TMTC2: variants seen among roughly 807,000 people sequenced by gnomAD.
TMTC2 encodes transmembrane O-mannosyltransferase targeting cadherins 2.
A neutral mutation model predicts 82.4 loss-of-function variants in TMTC2; 43 were observed. That is an observed-to-expected ratio of 0.52 (90% CI 0.41 to 0.67). The LOEUF (loss-of-function observed/expected upper bound fraction) is 0.67, where lower values mean the gene tolerates loss of function less well. Ranked by LOEUF, TMTC2 falls within the 30% of genes least tolerant of loss-of-function variation. The pLI is 0.00. For missense variants in TMTC2, 919 were observed against 1,012.4 expected (o/e 0.91, Z 1.25); for synonymous variants, 408 against 381.9 (o/e 1.07, Z -0.80).
rs1194529610 is a variant in TMTC2 at position 82,901,283 on chromosome 12, A to AAT, written c.1483+4654_1483+4655dup. 8.0e-3 allele frequency among the ~76,000 whole-genome samples: 1,028 copies of AAT among 128,236 alleles called. 61 individuals carry two copies. Among genetic ancestry groups the AAT allele is most frequent in the African/African-American group, 0.03 (905 of 30,544 alleles). 84.1% of individuals were successfully genotyped at this position (128,236 alleles called of 152,430 possible). ...TCTGGAATATATATATAGAGAGAGT[A>AAT]ATATATATATATATATATTTTTTTT... On this transcript the variant is annotated intron_variant, in intron 3 of 11. Transcript: ENST00000321196.
chr12:82,975,773 T>C (rs923770826), intron 7 of TMTC2, among the ~76,000 whole-genome samples: 5 of 152,106 alleles, frequency 3.3e-5, no homozygotes, highest in African/African-American at 1.2e-4. Context: ...GAGTGCTTTT[T>C]CTTTTATCGT....
chr12:82,950,182 A>C (rs1199521843), intron 4 of TMTC2, among the ~76,000 whole-genome samples: 1 of 152,190 alleles, frequency 6.6e-6, no homozygotes, highest in African/African-American at 2.4e-5. Flanking sequence ...ATTATCATGG[A>C]CAAATTATTT....
chr12:82,703,402 GA>G (rs1873176242), intron 1 of TMTC2, among the ~76,000 whole-genome samples: 2 of 151,840 alleles, frequency 1.3e-5, no homozygotes, highest in South Asian at 4.2e-4. Context: ...TTCCTTTTAT[GA>G]TATAGAGGAG....
intron 2 of TMTC2, among the ~76,000 whole-genome samples, chr12:82,883,890 T>G (rs2137159865): frequency 6.6e-6 from 1 of 152,326 alleles, no homozygotes; most frequent in Non-Finnish European, 1.5e-5. Flanking sequence ...TTAAAACTTT[T>G]TTTGTTGTTG....
At chr12:83,057,403 A>T (rs1882585438) in intron 10 of TMTC2, among the ~76,000 whole-genome samples, 1 of 151,972 alleles carries the variant, frequency 6.6e-6, no homozygotes, top group African/African-American at 2.4e-5. Flanking sequence ...GTCTTGACAG[A>T]GAAGTTTTCA....
chr12:82,796,235 A>G (rs1878712254), intron 1 of TMTC2, among the ~76,000 whole-genome samples: 2 of 152,136 alleles, frequency 1.3e-5, no homozygotes, highest in East Asian at 1.9e-4. Flanking sequence ...TATTTCAGTG[A>G]AAGCATTGAG....
chr12:82,798,234 C>T (rs865929560), intron 1 of TMTC2, among the ~76,000 whole-genome samples: 11 of 148,600 alleles, frequency 7.4e-5, no homozygotes, highest in South Asian at 4.3e-4. Flanking sequence ...GGATTACAGG[C>T]GTGAGCCACC....
rs749141031 is a variant in TMTC2, at chr12:82,896,071, A to G, written c.908A>G (p.Lys303Arg). The change falls in exon 3 of 12, where the codon AAA (lysine) becomes AGA (arginine). Residue 303 changes from lysine to arginine, a missense_variant. Lys to Arg is a conservative substitution (Grantham distance 26). Coordinates refer to ENST00000321196, the MANE Select transcript of TMTC2 (RefSeq NM_152588.3). ...DWSMDAVPLL[K>R]TVCDWRNLHT... ...TCAATGGATGCTGTGCCTCTGCTCA[A>G]AACAGTTTGTGACTGGAGAAACCTA... 4.6e-5 allele frequency: 75 copies of G among 1,613,856 alleles called. No homozygotes were observed. The Admixed American group carries it at 1.2e-3, about 27-fold the overall frequency.
At position 82,829,721 on chromosome 12, in the gene TMTC2, T is replaced by A. The variant is rs573254900; in HGVS notation, c.84-27289T>A. On this transcript the variant is annotated intron_variant, in intron 1 of 11. Transcript: ENST00000321196. ...ATCATTCTTGCTGTGATAGGTGCTA[T>A]AAGGGTAAACCAAGGAGACCTCATC... is the stretch of plus-strand genomic sequence containing the variant. Among the ~76,000 whole-genome samples the A allele has an allele frequency of 3.9e-5, 6 of 152,294 alleles. No homozygotes were observed. The East Asian group carries it at 9.6e-4, about 24-fold the overall frequency.
In TMTC2 at chr12:82,691,108, C is replaced by T. The variant is rs151085816; in HGVS notation, c.83+3439C>T. On this transcript the variant is annotated intron_variant, in intron 1 of 11. Transcript: ENST00000321196. ...TTGGTGACATGCCCTTTTTATACAT[C>T]GACAAGTAAATAAGATAATGCAACT... Among the ~76,000 whole-genome samples the T allele has an allele frequency of 2.0e-3, 306 of 152,152 alleles. 1 individual carries two copies. Among genetic ancestry groups the T allele is most frequent in the African/African-American group, 7.1e-3 (295 of 41,530 alleles).
intron 1 of TMTC2, among the ~76,000 whole-genome samples, chr12:82,801,208 G>A (rs765519344): frequency 2.0e-5 from 3 of 151,996 alleles, no homozygotes; most frequent in Non-Finnish European, 4.4e-5. Flanking sequence ...GAATGAAGCC[G>A]CGGACCCTTG....
intron 1 of TMTC2, among the ~76,000 whole-genome samples, chr12:82,746,844 GA>G (rs1379300217): frequency 6.6e-6 from 1 of 152,222 alleles, no homozygotes; most frequent in Non-Finnish European, 1.5e-5. Flanking sequence ...AGGGCCAAAT[GA>G]AAAGGAATGT....
At chr12:82,891,898 A>G (rs1171162640) in intron 2 of TMTC2, among the ~76,000 whole-genome samples, 1 of 152,106 alleles carries the variant, frequency 6.6e-6, no homozygotes, top group Non-Finnish European at 1.5e-5. Context: ...AGCCTGGGTA[A>G]CATGGCAAAA....
intron 1 of TMTC2, among the ~76,000 whole-genome samples, chr12:82,727,334 G>A (rs998692018): frequency 1.3e-5 from 2 of 151,726 alleles, no homozygotes; most frequent in African/African-American, 4.8e-5. Context: ...GTTGGGCTTC[G>A]GATTTTCAAT....
At chr12:83,066,030 T>G (rs1353161882) in intron 11 of TMTC2, among the ~76,000 whole-genome samples, 1 of 152,046 alleles carries the variant, frequency 6.6e-6, no homozygotes, top group Non-Finnish European at 1.5e-5. Context: ...TATGTAAGAC[T>G]GTGCCAAATG....
intron 1 of TMTC2, among the ~76,000 whole-genome samples, chr12:82,712,774 G>T (rs1476640463): frequency 6.6e-6 from 1 of 152,156 alleles, no homozygotes; most frequent in Non-Finnish European, 1.5e-5. Context: ...GTAAACTAAG[G>T]AGCTAAATGG....
chr12:83,031,087 G>T (rs1412876259), intron 9 of TMTC2, among the ~76,000 whole-genome samples: 1 of 151,546 alleles, frequency 6.6e-6, no homozygotes, highest in Non-Finnish European at 1.5e-5. Context: ...ATTTTAATAG[G>T]ATTTTAACAG....
intron 1 of TMTC2, among the ~76,000 whole-genome samples, chr12:82,757,706 A>G (rs906311633): frequency 6.6e-6 from 1 of 152,216 alleles, no homozygotes; most frequent in Non-Finnish European, 1.5e-5. Flanking sequence ...AGTGTTGATA[A>G]TTCTTTTACT....
intron 1 of TMTC2, among the ~76,000 whole-genome samples, chr12:82,772,843 A>T (rs984291207): frequency 1.3e-5 from 2 of 152,080 alleles, no homozygotes; most frequent in East Asian, 3.9e-4. Context: ...TGATCTGTGG[A>T]AATTATTTTG....
Sources: gnomAD v4.1 joint callset for allele counts (sites outside exome capture counted in the v4.1 genomes callset) on GRCh38, gnomAD v4.1.1 for gene constraint, MANE v1.5 for transcripts, NCBI Gene and HGNC (gene_info 2026-07-23, HGNC 2026-07-21) for gene names.